NRG3: variants seen among roughly 807,000 people sequenced by gnomAD.
NRG3 encodes neuregulin 3.
Under a neutral mutation model 66.9 loss-of-function variants are expected in NRG3, and 31 were observed. The ratio of observed to expected loss-of-function variants is 0.46; its 90% CI spans 0.35 to 0.63. The LOEUF is 0.63. NRG3 is among the 20% of genes least tolerant of loss of function. The probability of loss-of-function intolerance (pLI) is 0.00; values close to 1 mark genes in which losing one functional copy is unlikely to be tolerated. For synonymous variants in NRG3, 393 were observed against 359.4 expected, an observed-to-expected ratio of 1.09 and a Z score of -1.06; for missense variants, 910 against 878.9, an observed-to-expected ratio of 1.04 and a Z score of -0.45.
chr10:82,261,705 G>A (rs563801952), intron 1 of NRG3, among the ~76,000 whole-genome samples: 2 of 152,316 alleles, frequency 1.3e-5, no homozygotes, highest in African/African-American at 4.8e-5. Context: ...ACAAAGGGAT[G>A]GGCTCTGGCT....
chr10:81,989,584 A>G (rs1369519307), intron 1 of NRG3, among the ~76,000 whole-genome samples: 1 of 152,186 alleles, frequency 6.6e-6, no homozygotes, highest in Admixed American at 6.5e-5. Context: ...GAATATTTTT[A>G]TGGTTCATTT....
intron 2 of NRG3, among the ~76,000 whole-genome samples, chr10:82,525,287 T>C (rs977024865): frequency 4.1e-4 from 63 of 151,896 alleles, no homozygotes; most frequent in African/African-American, 1.5e-3. Flanking sequence ...AAAAAATCCA[T>C]CTAGCCAAAT....
At chr10:81,930,736 G>A (rs866441900) in intron 1 of NRG3, among the ~76,000 whole-genome samples, 1 of 152,276 alleles carries the variant, frequency 6.6e-6, no homozygotes, top group Non-Finnish European at 1.5e-5. Context: ...GTGCATCATC[G>A]CATGTAGAGG....
chr10:81,880,376 G>T (rs1469063454), intron 1 of NRG3, among the ~76,000 whole-genome samples: 1 of 151,924 alleles, frequency 6.6e-6, no homozygotes, highest in Non-Finnish European at 1.5e-5. Flanking sequence ...AGTTATATTT[G>T]TGCTATTTTC....
chr10:82,128,365 T>C (rs984478711), intron 1 of NRG3, among the ~76,000 whole-genome samples: 6 of 152,020 alleles, frequency 3.9e-5, no homozygotes, highest in Non-Finnish European at 7.4e-5. Flanking sequence ...AAAACTCAAA[T>C]TGTGTCATGA....
At chr10:82,659,585 A>G (rs1168128702) in intron 2 of NRG3, among the ~76,000 whole-genome samples, 1 of 152,182 alleles carries the variant, frequency 6.6e-6, no homozygotes, top group East Asian at 1.9e-4. Context: ...TGAAGGTTGC[A>G]GAGAGCCAAG....
chr10:82,102,034 T>TATATATAC (rs1472012129), intron 1 of NRG3, among the ~76,000 whole-genome samples: 1 of 143,340 alleles, frequency 7.0e-6, no homozygotes, highest in Admixed American at 7.0e-5. Flanking sequence ...CACATATATA[T>TATATATAC]GCACATATAA....
intron 1 of NRG3, among the ~76,000 whole-genome samples, chr10:82,293,308 C>G (rs1363516031): frequency 6.6e-6 from 1 of 150,678 alleles, no homozygotes; most frequent in Non-Finnish European, 1.5e-5. Flanking sequence ...TGTCAGAAAG[C>G]TTGCTTGGTA....
intron 2 of NRG3, among the ~76,000 whole-genome samples, chr10:82,620,481 A>T (rs2048972822): frequency 6.6e-6 from 1 of 152,126 alleles, no homozygotes; most frequent in African/African-American, 2.4e-5. Flanking sequence ...TCTTCCCCAA[A>T]GTTAAGCCAT....
In NRG3 at chr10:82,050,077, A is replaced by T. The variant is rs551253901; in HGVS notation, c.823+173914A>T. On this transcript the variant is annotated intron_variant, in intron 1 of 8. Coordinates refer to ENST00000372141, the MANE Select transcript of NRG3 (RefSeq NM_001010848.4). Reference sequence around the variant, plus strand: ...TCTCTGAAACTTCAGTTCTGAACAGATATGCTAAGATGGATAAGCAGTGAT... The same window carrying T: ...TCTCTGAAACTTCAGTTCTGAACAGTTATGCTAAGATGGATAAGCAGTGAT... Among the ~76,000 whole-genome samples, 21 of 152,116 alleles carry T rather than the reference A, an allele frequency of 1.4e-4. No homozygotes were observed. The South Asian group carries it at 4.4e-3, about 32-fold the overall frequency.
At chr10:82,481,383 A>G (rs758661657) in intron 2 of NRG3, among the ~76,000 whole-genome samples, 1 of 152,110 alleles carries the variant, frequency 6.6e-6, no homozygotes, top group Non-Finnish European at 1.5e-5. Flanking sequence ...CTTATTTGCC[A>G]GGTTCCACAT....
chr10:82,959,900 C>A (rs1053431389), intron 6 of NRG3, among the ~76,000 whole-genome samples: 14 of 152,186 alleles, frequency 9.2e-5, no homozygotes, highest in Non-Finnish European at 1.6e-4. Flanking sequence ...CTGTGTAATA[C>A]ATGCAGATAT....
intron 2 of NRG3, among the ~76,000 whole-genome samples, chr10:82,611,700 G>T (rs1361661833): frequency 1.3e-5 from 2 of 152,122 alleles, no homozygotes; most frequent in Non-Finnish European, 2.9e-5. Context: ...CCAAGTCTTT[G>T]CTATTGTGAA....
At chr10:82,344,382 A>G (rs2082865583) in intron 1 of NRG3, among the ~76,000 whole-genome samples, 1 of 151,098 alleles carries the variant, frequency 6.6e-6, no homozygotes, top group Non-Finnish European at 1.5e-5. Flanking sequence ...GTCCCTACAA[A>G]GGACATGAAC....
intron 2 of NRG3, among the ~76,000 whole-genome samples, chr10:82,429,373 C>A (rs929822470): frequency 4.6e-5 from 7 of 151,944 alleles, no homozygotes; most frequent in Non-Finnish European, 7.4e-5. Context: ...TTTTTCTTAA[C>A]ATTTGAATGA....
At chr10:82,676,209 T>C (rs915519461) in intron 2 of NRG3, among the ~76,000 whole-genome samples, 1 of 152,164 alleles carries the variant, frequency 6.6e-6, no homozygotes. Context: ...GTTCACATGC[T>C]TTAAAAAAAA....
At position 82,897,938 on chromosome 10, in the gene NRG3, T is replaced by G. The variant is rs1843819796; in HGVS notation, c.1054+32501T>G. The stretch of plus-strand genomic sequence containing the variant: ...TAATTATATATTGAGTAGGATACTA[T>G]TAATATATGTTCACTTAGCACTTAC... On this transcript the variant is annotated intron_variant, in intron 4 of 8. Transcript: ENST00000372141. Among the ~76,000 whole-genome samples the G allele has an allele frequency of 2.0e-5, 3 of 151,974 alleles. No individual in the cohort carries two copies. In the South Asian group the frequency reaches 6.2e-4, roughly 32 times the overall value.
chr10:82,453,259 A>G (rs1590184866), intron 2 of NRG3, among the ~76,000 whole-genome samples: 2 of 152,290 alleles, frequency 1.3e-5, no homozygotes, highest in Admixed American at 1.3e-4. Context: ...ACCTTAACCT[A>G]GAGAATTAGA....
intron 2 of NRG3, among the ~76,000 whole-genome samples, chr10:82,689,863 G>A (rs190003076): frequency 7.2e-5 from 11 of 152,204 alleles, no homozygotes; most frequent in Middle Eastern, 3.4e-3. Context: ...AATAGACTTC[G>A]TACATTTTAT....
Sources: gnomAD v4.1 joint callset for allele counts (sites outside exome capture counted in the v4.1 genomes callset) on GRCh38, gnomAD v4.1.1 for gene constraint, MANE v1.5 for transcripts, NCBI Gene and HGNC (gene_info 2026-07-23, HGNC 2026-07-21) for gene names.